SOX30: variants seen among roughly 807,000 people sequenced by gnomAD.
SOX30 encodes the protein SRY-box transcription factor 30, also known as transcription factor SOX-30.
Under a neutral mutation model 58.6 loss-of-function variants are expected in SOX30, and 17 were observed. That is an observed-to-expected ratio of 0.29 (90% CI 0.20 to 0.44). The LOEUF (loss-of-function observed/expected upper bound fraction) is 0.44. Among genes scored for constraint, SOX30 ranks in the 20% least tolerant of loss-of-function variants. SOX30 has a pLI of 1.00. For missense variants in SOX30, 951 were observed against 965.8 expected (o/e 0.98, Z 0.20); for synonymous variants, 421 against 400.2 (o/e 1.05, Z -0.62).
chr5:157,667,765 C>CATACATACATACATACAT lies in SOX30; in HGVS notation c.52+32_52+33insATGTATGTATGTATGTAT, dbSNP rs201558210. On this transcript the variant is annotated intron_variant, in intron 2 of 5. Transcript: ENST00000519442. The stretch of plus-strand genomic sequence containing the variant: ...GAATACATACATACATACATACATA[C>CATACATACATACATACAT]ACACACACACACACACACACACACA... 3.6e-5 allele frequency: 12 copies of CATACATACATACATACAT among 336,490 alleles called. No homozygotes were observed. In the African/African-American group the frequency reaches 7.4e-4, roughly 21 times the overall value. The allele number at this position is 336,490 out of a possible 1,614,324, so 20.8% of individuals were successfully genotyped here.
chr5:157,665,629 A>T (rs1166520289), intron 2 of SOX30, among the ~76,000 whole-genome samples: 1 of 148,030 alleles, frequency 6.8e-6, no homozygotes, highest in African/African-American at 2.5e-5. Flanking sequence ...ATAAATATAT[A>T]TTTTAAATAT....
At chr5:157,637,133 CA>C (rs1203322529) in intron 4 of SOX30, among the ~76,000 whole-genome samples, 7,473 of 62,828 alleles carry the variant, frequency 0.12, 111 homozygotes, top group Middle Eastern at 0.18. Flanking sequence ...AACTCCGCCT[CA>C]AAAAAAAAAA....
At chr5:157,632,162 T>C (rs529635270) in intron 4 of SOX30, among the ~76,000 whole-genome samples, 215 of 149,566 alleles carry the variant, frequency 1.4e-3, no homozygotes, top group African/African-American at 5.0e-3. Flanking sequence ...CTGTGCCCCA[T>C]AGAAGTTTTC....
chr5:157,648,182 A>G (rs1759242270), intron 2 of SOX30, among the ~76,000 whole-genome samples: 1 of 152,194 alleles, frequency 6.6e-6, no homozygotes, highest in Admixed American at 6.5e-5. Flanking sequence ...TTCACACTAT[A>G]TCATGACAGG....
intron 3 of SOX30, among the ~76,000 whole-genome samples, chr5:157,641,896 T>G (rs1297449081): frequency 6.6e-6 from 1 of 152,154 alleles, no homozygotes; most frequent in Non-Finnish European, 1.5e-5. Context: ...AATACCAGAT[T>G]AAACTGCCAG....
At position 157,638,314 on chromosome 5, in the gene SOX30, T is replaced by C. The variant is rs772885551; in HGVS notation, c.1796A>G (p.His599Arg). The C allele has an allele frequency of 2.5e-6, 4 of 1,608,786 alleles. No homozygotes were observed. Among genetic ancestry groups the C allele is most frequent in the Admixed American group, 1.7e-5 (1 of 59,772 alleles). Residue 599 changes from histidine to arginine, a missense_variant, in exon 4 of 5, where the codon CAT becomes CGT. Physicochemically the swap from His to Arg is conservative, Grantham distance 29 (BLOSUM62 0). This residue lies in a region of SOX30 where 381 missense variants were observed against 390.0 expected (regional missense o/e 0.98). Transcript: ENST00000265007. ...TGGTGTCCCGAACAGTGTGGCTGGA[T>C]GGCCAAGGGGAGGGGGCTGGTAGAC... ...PHVYQPPPLG[H>R]PATLFGTPPR... is the part of the protein sequence containing the mutation.
At chr5:157,642,311 C>T (rs547231048) in intron 3 of SOX30, among the ~76,000 whole-genome samples, 295 of 127,756 alleles carry the variant, frequency 2.3e-3, no homozygotes, top group Non-Finnish European at 3.2e-3. Context: ...GTAAGATTCC[C>T]TCTCAAAAAA....
intron 4 of SOX30, among the ~76,000 whole-genome samples, chr5:157,637,178 A>C (rs1392858977): frequency 6.6e-6 from 1 of 151,002 alleles, no homozygotes; most frequent in South Asian, 2.1e-4. Flanking sequence ...GGCTAATACC[A>C]CTCTATCAAA....
At chr5:157,645,722 T>C (rs1759173438) in intron 3 of SOX30, among the ~76,000 whole-genome samples, 1 of 150,748 alleles carries the variant, frequency 6.6e-6, no homozygotes, top group Non-Finnish European at 1.5e-5. Context: ...TTAAAGATGG[T>C]TAAAACATGT....
chr5:157,651,038 G>T, intron 1 of SOX30, 74 bp downstream of exon 1: 1 of 1,133,490 alleles, frequency 8.8e-7, no homozygotes, highest in Non-Finnish European at 1.3e-6. Context: ...GTTTAGACTT[G>T]GGAACTGCTG....
chr5:157,654,041 C>T (rs1759422044), upstream of SOX30, among the ~76,000 whole-genome samples: 1 of 151,966 alleles, frequency 6.6e-6, no homozygotes, highest in Non-Finnish European at 1.5e-5. Context: ...TGGCACATGC[C>T]TGTAATTCCA....
At chr5:157,664,095 C>CTACT (rs56104456) in intron 2 of SOX30, among the ~76,000 whole-genome samples, 1 of 139,016 alleles carries the variant, frequency 7.2e-6, no homozygotes. Context: ...TTGGAAAAAA[C>CTACT]TAAAGTTCAT....
chr5:157,668,458 A>G (rs558615250), intron 1 of SOX30, among the ~76,000 whole-genome samples: 82 of 152,198 alleles, frequency 5.4e-4, no homozygotes, highest in African/African-American at 1.8e-3. Context: ...GTGATCCCAA[A>G]GTTCTGACAT....
At chr5:157,638,089 G>T in intron 4 of SOX30, 141 bp downstream of exon 4, 1 of 821,416 alleles carries the variant, frequency 1.2e-6, no homozygotes, top group Admixed American at 3.2e-5. Flanking sequence ...ATCTATTTAT[G>T]TTAACTGCTT....
chr5:157,652,057 G>T lies in SOX30; in HGVS notation c.22C>A (p.Pro8Thr), dbSNP rs1759367276. ...CGCAACGGGCGCGGCTGAGGCGGCG[G>T]CTCGGGTCTGGCTCTCTCCATGGGG... MERARPE[P>T]PPQPRPLRPA... Residue 8 changes from proline (P) to threonine (T), a missense_variant, in exon 1 of 5, where the codon CCG becomes ACG. This residue lies in a region of SOX30 where 363 missense variants were observed against 294.5 expected (regional missense o/e 1.23). Coordinates refer to ENST00000265007, the MANE Select transcript of SOX30 (RefSeq NM_178424.2). The T allele has an allele frequency of 2.1e-6, 3 of 1,421,784 alleles. No homozygotes were observed. In the African/African-American group the frequency reaches 4.5e-5, roughly 21 times the overall value. The allele number at this position is 1,421,784 out of a possible 1,614,324, so 88.1% of individuals were successfully genotyped here. A position where few individuals can be genotyped will look rare whatever the true frequency, so the allele number is the denominator to read the frequency against.
At chr5:157,630,506 T>C (rs1758764013) in intron 4 of SOX30, among the ~76,000 whole-genome samples, 1 of 152,202 alleles carries the variant, frequency 6.6e-6, no homozygotes, top group Non-Finnish European at 1.5e-5. Context: ...AGAGTATTTT[T>C]GTAAAGACCG....
intron 2 of SOX30, among the ~76,000 whole-genome samples, chr5:157,667,213 A>C (rs533476089): frequency 1.3e-5 from 2 of 152,344 alleles, no homozygotes; most frequent in African/African-American, 4.8e-5. Flanking sequence ...CTCCTATGAA[A>C]TAAAGAGATG....
chr5:157,647,270 C>A (rs964099462), intron 2 of SOX30, among the ~76,000 whole-genome samples: 1 of 152,074 alleles, frequency 6.6e-6, no homozygotes, highest in Non-Finnish European at 1.5e-5. Context: ...TCCGTGTTGG[C>A]CAGACTGGTC....
intron 2 of SOX30, among the ~76,000 whole-genome samples, chr5:157,661,539 G>T (rs1471514975): frequency 6.6e-6 from 1 of 152,208 alleles, no homozygotes; most frequent in Non-Finnish European, 1.5e-5. Flanking sequence ...GCAAATGAAT[G>T]GGCTTGGCTT....
Sources: gnomAD v4.1 joint callset for allele counts (sites outside exome capture counted in the v4.1 genomes callset) on GRCh38, gnomAD v4.1.1 for gene constraint, gnomAD v4.1.1 regional missense constraint, MANE v1.5 for transcripts, NCBI Gene and HGNC (gene_info 2026-07-23, HGNC 2026-07-21) for gene names.